ADNP: variants seen among roughly 807,000 people sequenced by gnomAD.
ADNP encodes activity-dependent neuroprotector homeobox protein.
A neutral mutation model predicts 84.9 loss-of-function variants in ADNP; 4 were observed. That is an observed-to-expected ratio of 0.05 (90% CI 0.02 to 0.11). The LOEUF (loss-of-function observed/expected upper bound fraction) is 0.11, where lower values mean the gene tolerates loss of function less well. ADNP is among the 10% of genes least tolerant of loss of function. ADNP has a pLI of 1.00. For missense variants in ADNP, 1,132 were observed against 1,326.0 expected (o/e 0.85, Z 2.27); for synonymous variants, 554 against 468.1 (o/e 1.18, Z -2.37).
At chr20:50,910,854 A>G (rs1028822291) in intron 2 of ADNP, among the ~76,000 whole-genome samples, 10 of 152,074 alleles carry the variant, frequency 6.6e-5, no homozygotes, top group Admixed American at 2.6e-4. Context: ...GGTCCTCCCT[A>G]TGCTGCCCAG....
rs758911138 is a variant in ADNP, at chr20:50,904,039, GT to G, written c.-5-39del. The G allele has an allele frequency of 2.8e-6, 4 of 1,442,158 alleles. No homozygotes were observed. In the East Asian group the frequency reaches 9.1e-5, roughly 33 times the overall value. The allele number at this position is 1,442,158 out of a possible 1,614,324, so 89.3% of individuals were successfully genotyped here. ...AAAATTTAAGTCAAAGTCAAAACAC[GT>G]ACAACTTGTAATATTTACTAATTCC... On this transcript the variant is annotated intron_variant, in intron 3 of 5. Coordinates refer to ENST00000621696, the MANE Select transcript of ADNP (RefSeq NM_001282531.3).
chr20:50,920,603 T>C (rs1482435203), intron 2 of ADNP, among the ~76,000 whole-genome samples: 1 of 148,984 alleles, frequency 6.7e-6, no homozygotes, highest in African/African-American at 2.5e-5. Flanking sequence ...AAAGAGTAGA[T>C]ACCAGACCTA....
intron 2 of ADNP, among the ~76,000 whole-genome samples, chr20:50,925,261 T>TACACACACACACACACAC (rs1292426786): frequency 3.6e-5 from 3 of 82,606 alleles, no homozygotes; most frequent in Admixed American, 2.1e-4. Flanking sequence ...TGTGACTTCC[T>TACACACACACACACACAC]ATACACACAC....
chr20:50,896,814 A>C (rs1370766380), intron 5 of ADNP, among the ~76,000 whole-genome samples: 20 of 152,100 alleles, frequency 1.3e-4, no homozygotes, highest in Admixed American at 1.3e-3. Context: ...CACACTTACC[A>C]AGAATAAGCC....
intron 2 of ADNP, among the ~76,000 whole-genome samples, chr20:50,927,706 T>C (rs1475493224): frequency 6.6e-6 from 1 of 152,200 alleles, no homozygotes; most frequent in East Asian, 1.9e-4. Flanking sequence ...TCACCTTATT[T>C]TTTGAGTGTT....
chr20:50,895,406 G>C (rs1216222389), intron 5 of ADNP, among the ~76,000 whole-genome samples: 1 of 152,220 alleles, frequency 6.6e-6, no homozygotes, highest in East Asian at 1.9e-4. Flanking sequence ...AAAAGGTACA[G>C]TAAAAATACA....
At chr20:50,926,858 A>G (rs982838529) in intron 2 of ADNP, among the ~76,000 whole-genome samples, 1 of 152,164 alleles carries the variant, frequency 6.6e-6, no homozygotes, top group Admixed American at 6.5e-5. Context: ...TCCTTTACAA[A>G]ACAGCTTTAT....
At position 50,893,003 on chromosome 20, in the gene ADNP, G is replaced by A. The variant is rs1389877186; in HGVS notation, c.1711C>T (p.Leu571=). The change falls in exon 6 of 6, where the codon CTG becomes TTG. Residue 571 remains leucine (L), a synonymous_variant. Transcript: ENST00000621696. This position sits in a 1 kb window ranked among gnomAD's most constrained non-coding sequence, Gnocchi z 4.4. ...ACAGATTCAGCTGGGGCATCCCTCA[G>A]ATTGTATGTAGTTACCAGGAGATGG... ...NIHLLVTTYN[L]RDAPAESVAY... The A allele has an allele frequency of 5.6e-6, 9 of 1,614,216 alleles. No individual in the cohort carries two copies. In the East Asian group the frequency reaches 2.0e-4, roughly 36 times the overall value.
At chr20:50,910,069 C>T (rs991208658) in intron 2 of ADNP, among the ~76,000 whole-genome samples, 1 of 151,984 alleles carries the variant, frequency 6.6e-6, no homozygotes, top group African/African-American at 2.4e-5. Context: ...ACTGGGCAGG[C>T]GGACACAGAA....
At chr20:50,922,287 G>A (rs543988393) in intron 2 of ADNP, among the ~76,000 whole-genome samples, 10 of 152,194 alleles carry the variant, frequency 6.6e-5, no homozygotes, top group Middle Eastern at 3.4e-3. Context: ...CAAGATGGGG[G>A]CTCAGTCCCC....
Position 50,903,879 on chromosome 20 carries a change from T to C in ADNP, c.108+10A>G. 6.3e-7 allele frequency: 1 copy of C among 1,589,858 alleles called. No individual in the cohort carries two copies. The highest frequency in any genetic ancestry group is 8.6e-7 in the Non-Finnish European group (1 of 1,161,080). On this transcript the variant is annotated intron_variant, in intron 4 of 5. Transcript: ENST00000621696. ...GTCATGTTAAAATTTAAAAATGACA[T>C]GCTACTTACTTCTATATGTTCTTTA...
chr20:50,917,194 C>T (rs558454923), intron 2 of ADNP, among the ~76,000 whole-genome samples: 4 of 152,294 alleles, frequency 2.6e-5, no homozygotes, highest in Admixed American at 1.3e-4. Context: ...ATGTTCCCTA[C>T]GTACATCTGA....
chr20:50,925,261 T>TACACACACAC (rs1292426786), intron 2 of ADNP, among the ~76,000 whole-genome samples: 3 of 82,642 alleles, frequency 3.6e-5, no homozygotes, highest in South Asian at 3.0e-4. Context: ...TGTGACTTCC[T>TACACACACAC]ATACACACAC....
intron 2 of ADNP, among the ~76,000 whole-genome samples, chr20:50,921,789 T>G (rs1483763336): frequency 6.6e-6 from 1 of 152,128 alleles, no homozygotes; most frequent in Non-Finnish European, 1.5e-5. Flanking sequence ...AATTTAAGAG[T>G]TCACCTAAAA....
Position 50,892,605 on chromosome 20 carries a change from G to A in ADNP, c.2109C>T (p.Pro703=), listed in dbSNP as rs1361461233. Residue 703 remains proline, a synonymous_variant, in exon 6 of 6, where the codon CCC becomes CCT. Coordinates refer to ENST00000621696, the MANE Select transcript of ADNP (RefSeq NM_001282531.3). ...GACTTGGAGACTGATTAAGCCGAGA[G>A]GGTGCATTTGTCTTATCCTGGCCAT... is the stretch of plus-strand genomic sequence containing the variant. ...TQNGQDKTNA[P]SRLNQSPSLA... 6.2e-7 allele frequency: 1 copy of A among 1,614,226 alleles called. No individual in the cohort carries two copies. The highest frequency in any genetic ancestry group is 8.5e-7 in the Non-Finnish European group (1 of 1,180,050).
At position 50,891,534 on chromosome 20, in the gene ADNP, G is replaced by A. The variant is rs944037557; in HGVS notation, c.3180C>T (p.Pro1060=). 5.0e-6 allele frequency: 8 copies of A among 1,612,012 alleles called. No individual in the cohort carries two copies. Among genetic ancestry groups the A allele is most frequent in the South Asian group, 1.1e-5 (1 of 91,082 alleles). Residue 1060 remains proline (P), a synonymous_variant, in exon 6 of 6, where the codon CCC becomes CCT. Coordinates refer to ENST00000621696, the MANE Select transcript of ADNP (RefSeq NM_001282531.3). ...TTGTGCTATTCTGCCACTCAATCTG[G>A]GGGTTAGATAAGCGCTCATCATTCT... ...ASENDERLSN[P]QIEWQNSTID... is the part of the protein sequence containing the mutation.
chr20:50,916,666 A>T (rs1212727154), intron 2 of ADNP, among the ~76,000 whole-genome samples: 1 of 152,212 alleles, frequency 6.6e-6, no homozygotes, highest in Non-Finnish European at 1.5e-5. Context: ...TGAAAAATAC[A>T]TTTGTGTCAG....
intron 1 of ADNP, among the ~76,000 whole-genome samples, chr20:50,930,538 G>A (rs1233536906): frequency 6.6e-6 from 1 of 152,114 alleles, no homozygotes; most frequent in Non-Finnish European, 1.5e-5. Context: ...GCTCCGGGCG[G>A]CCAGGCAGAG....
At chr20:50,903,302 TA>T (rs1289978505) in intron 4 of ADNP, among the ~76,000 whole-genome samples, 1 of 152,024 alleles carries the variant, frequency 6.6e-6, no homozygotes, top group African/African-American at 2.4e-5. Context: ...GCTCATAGAA[TA>T]AAACAGCTTG....
Sources: gnomAD v4.1 joint callset for allele counts (sites outside exome capture counted in the v4.1 genomes callset) on GRCh38, gnomAD v4.1.1 for gene constraint, Gnocchi (gnomAD v3.1) non-coding constraint, MANE v1.5 for transcripts, NCBI Gene and HGNC (gene_info 2026-07-23, HGNC 2026-07-21) for gene names.